The following FANCI variants were observed in gnomAD, a reference collection of about 807,000 sequenced individuals.
FANCI encodes FA complementation group I.
In FANCI, 156 loss-of-function variants were observed where a neutral mutation model predicts 176.1. The observed-to-expected ratio is 0.89, with a 90% CI of 0.78 to 1.01. The LOEUF is 1.01. FANCI is among the 50% of genes least tolerant of loss of function. The pLI is 0.00. For missense variants in FANCI, 1,678 were observed against 1,534.1 expected, an observed-to-expected ratio of 1.09 and a Z score of -1.57; for synonymous variants, 613 against 541.7, an observed-to-expected ratio of 1.13 and a Z score of -1.83.
At chr15:89,266,928 G>A (rs902004736) in intron 9 of FANCI, among the ~76,000 whole-genome samples, 4 of 152,032 alleles carry the variant, frequency 2.6e-5, no homozygotes, top group African/African-American at 9.7e-5. Context: ...TATTAAGCAG[G>A]TACTCTGGAG....
intron 17 of FANCI, among the ~76,000 whole-genome samples, 156 bp downstream of exon 17, chr15:89,283,406 A>G (rs146792361): frequency 1.3e-5 from 2 of 152,304 alleles, no homozygotes; most frequent in African/African-American, 2.4e-5. Context: ...GATGATGATG[A>G]TGATATTGGC....
At chr15:89,276,964 G>A in intron 13 of FANCI, 73 bp downstream of exon 13, 1 of 1,489,604 alleles carries the variant, frequency 6.7e-7, no homozygotes, top group South Asian at 1.1e-5. Flanking sequence ...ATTTGCCTGG[G>A]AGTTTGGTGG....
At position 89,316,994 on chromosome 15, in the gene FANCI, A is replaced by ATAAG; in HGVS notation, c.*537_*540dup. On this transcript the variant is annotated 3_prime_UTR_variant, in exon 38 of 38. Coordinates refer to ENST00000310775, the MANE Select transcript of FANCI (RefSeq NM_001113378.2). ...TTAGGAGGGTCTGTTTTCTTTTTATATAAGTGTGTCTTAGATATATTTTAA... is the reference window on the plus strand; with the variant it reads ...TTAGGAGGGTCTGTTTTCTTTTTATATAAGTAAGTGTGTCTTAGATATATTTTAA... 3 of 655,734 alleles carry ATAAG rather than the reference A, an allele frequency of 4.6e-6. No individual in the cohort carries two copies. The highest frequency in any genetic ancestry group is 2.5e-5 in the Admixed American group (1 of 39,822). The allele number at this position is 655,734 out of a possible 1,614,324, so 40.6% of individuals were successfully genotyped here.
Position 89,283,209 on chromosome 15 carries a change from C to A in FANCI, c.1657C>A (p.Leu553Met), listed in dbSNP as rs374363189. 37 of 1,614,000 alleles carry A rather than the reference C, an allele frequency of 2.3e-5. No homozygotes were observed. The African/African-American group carries it at 4.5e-4, about 20-fold the overall frequency. Residue 553 changes from leucine (L) to methionine (M), a missense_variant, in exon 17 of 38, where the codon CTG (leucine) becomes ATG (methionine). By Grantham distance (15) the Leu-to-Met change is conservative. This residue lies in a region of FANCI where 1,204 missense variants were observed against 1,077.4 expected (regional missense o/e 1.12). Transcript: ENST00000310775. ...LLKNFKVLGS[L>M]SSSQCSQSLS... ...GAAGAACTTTAAAGTTTTAGGCAGC[C>A]TGTCATCCTCTCAGTGCAGTCAGTC...
At chr15:89,309,495 T>C (rs1392467339) in intron 34 of FANCI, among the ~76,000 whole-genome samples, 1 of 152,136 alleles carries the variant, frequency 6.6e-6, no homozygotes, top group African/African-American at 2.4e-5. Context: ...TAATGGAGGC[T>C]GAGGTAAGAA....
intron 24 of FANCI, 145 bp downstream of exon 24, chr15:89,295,239 C>A: frequency 1.1e-6 from 1 of 932,712 alleles, no homozygotes; most frequent in Non-Finnish European, 1.6e-6. Context: ...AGGTGGCAGG[C>A]ACTTGTAATC....
At chr15:89,292,616 C>A in intron 20 of FANCI, 72 bp from the exon 21 acceptor site, 1 of 1,432,424 alleles carries the variant, frequency 7.0e-7, no homozygotes, top group Non-Finnish European at 9.7e-7. Context: ...GAATTATTTG[C>A]TGGTTATGAA....
chr15:89,303,153 T>C (rs2054587620), intron 27 of FANCI, among the ~76,000 whole-genome samples: 1 of 152,372 alleles, frequency 6.6e-6, no homozygotes, highest in South Asian at 2.1e-4. Context: ...ATTCTGAAGA[T>C]CTTTTAATAT....
At chr15:89,298,986 C>T (rs1002453937) in intron 24 of FANCI, among the ~76,000 whole-genome samples, 4 of 152,138 alleles carry the variant, frequency 2.6e-5, no homozygotes, top group African/African-American at 9.6e-5. Flanking sequence ...GTCTGGCCAA[C>T]ATGGTGAAAC....
At position 89,290,329 on chromosome 15, in the gene FANCI, G is replaced by A. The variant is rs114622772; in HGVS notation, c.1890+48G>A. The A allele has an allele frequency of 1.4e-3, 1,936 of 1,398,294 alleles. 29 individuals are homozygous for A. In the African/African-American group the frequency reaches 0.025, roughly 18 times the overall value. 86.6% of individuals were successfully genotyped at this position (1,398,294 alleles called of 1,614,324 possible). ...TATGGAAAACAGACCATCAAGGATC[G>A]AGAGACAGTTGATGGTTTTCAGACC... On this transcript the variant is annotated intron_variant, in intron 19 of 37. Coordinates refer to ENST00000310775, the MANE Select transcript of FANCI (RefSeq NM_001113378.2).
At position 89,281,187 on chromosome 15, in the gene FANCI, G is replaced by T. The variant is rs199726965; in HGVS notation, c.1399G>T (p.Val467Phe). Residue 467 changes from valine (V) to phenylalanine (F), a missense_variant, in exon 15 of 38, where the codon GTC becomes TTC. Coordinates refer to ENST00000310775, the MANE Select transcript of FANCI (RefSeq NM_001113378.2). Reference sequence around the variant, plus strand: ...TTTTTCAGACCTGCTTTCAAATATCGTCATGTATGCACCCTTAGTTCTTCA... The same window carrying T: ...TTTTTCAGACCTGCTTTCAAATATCTTCATGTATGCACCCTTAGTTCTTCA... ...SHFLDLLSNI[V>F]MYAPLVLQSC... 7 of 1,613,432 alleles carry T rather than the reference G, an allele frequency of 4.3e-6. No individual in the cohort carries two copies. The highest frequency in any genetic ancestry group is 4.2e-6 in the Non-Finnish European group (5 of 1,179,618).
At chr15:89,304,515 A>C (rs1244201877) in intron 28 of FANCI, among the ~76,000 whole-genome samples, 5 of 152,240 alleles carry the variant, frequency 3.3e-5, no homozygotes, top group African/African-American at 1.2e-4. Flanking sequence ...GGGGCAAGTT[A>C]GGAGGGAGTC....
At chr15:89,268,811 G>A (rs1209810223) in intron 10 of FANCI, among the ~76,000 whole-genome samples, 1 of 151,934 alleles carries the variant, frequency 6.6e-6, no homozygotes, top group Non-Finnish European at 1.5e-5. Flanking sequence ...TGGGAAAAAA[G>A]GTGAGAACTA....
chr15:89,275,163 A>G (rs2053364111), intron 12 of FANCI, among the ~76,000 whole-genome samples: 2 of 149,304 alleles, frequency 1.3e-5, no homozygotes, highest in South Asian at 4.2e-4. Flanking sequence ...TCTGGGCTCA[A>G]CTGATCCTCC....
intron 12 of FANCI, 121 bp from the exon 13 acceptor site, chr15:89,276,590 A>G (rs1188471968): frequency 2.3e-5 from 24 of 1,029,616 alleles, no homozygotes; most frequent in Non-Finnish European, 3.6e-5. Flanking sequence ...GAAAAGGTTT[A>G]TATGCAGAGT....
chr15:89,262,363 A>T (rs981314829), intron 6 of FANCI, among the ~76,000 whole-genome samples: 2 of 152,174 alleles, frequency 1.3e-5, no homozygotes, highest in Non-Finnish European at 2.9e-5. Context: ...AAATCCTCAC[A>T]TATGAACATG....
At chr15:89,251,579 T>C (rs2151108054) in intron 2 of FANCI, among the ~76,000 whole-genome samples, 1 of 152,310 alleles carries the variant, frequency 6.6e-6, no homozygotes, top group South Asian at 2.1e-4. Flanking sequence ...TATAGACTAA[T>C]GTAACTTACG....
intron 24 of FANCI, among the ~76,000 whole-genome samples, chr15:89,296,301 T>C (rs554089686): frequency 3.3e-5 from 5 of 151,094 alleles, no homozygotes; most frequent in African/African-American, 7.3e-5. Flanking sequence ...AGAGATAGGA[T>C]TTCACCATAT....
intron 36 of FANCI, 137 bp downstream of exon 36, chr15:89,314,844 C>A (rs375712650): frequency 4.9e-5 from 27 of 555,626 alleles, no homozygotes; most frequent in Middle Eastern, 4.8e-4. Flanking sequence ...TCTCCCCCCC[C>A]CCCCCTTTTT....
Sources: allele counts gnomAD v4.1 joint callset (sites outside exome capture counted in the v4.1 genomes callset), GRCh38; gene constraint gnomAD v4.1.1; regional missense constraint gnomAD v4.1.1; transcripts MANE v1.5; gene names NCBI Gene and HGNC (gene_info 2026-07-23, HGNC 2026-07-21).